The following TMEM161B variants were observed in gnomAD, a reference collection of about 807,000 sequenced individuals.
The protein encoded by TMEM161B is transmembrane protein 161B.
A neutral mutation model predicts 61.8 loss-of-function variants in TMEM161B; 34 were observed. That is an observed-to-expected ratio of 0.55 (90% CI 0.42 to 0.73). The LOEUF (loss-of-function observed/expected upper bound fraction) is 0.73. Among genes scored for constraint, TMEM161B ranks in the 30% least tolerant of loss-of-function variants. The pLI is 0.00. For synonymous variants in TMEM161B, 167 were observed against 192.8 expected, an observed-to-expected ratio of 0.87 and a Z score of 1.11; for missense variants, 456 against 558.5, an observed-to-expected ratio of 0.82 and a Z score of 1.85.
chr5:88,195,801 A>G lies in TMEM161B; in HGVS notation c.*410T>C. ...CTTTCCCTCCCCTAAAGCATGGCTCAGTTTGAAGATTGTTCTATAGGCAGC... is the reference window on the plus strand; with the variant it reads ...CTTTCCCTCCCCTAAAGCATGGCTCGGTTTGAAGATTGTTCTATAGGCAGC... On this transcript the variant is annotated 3_prime_UTR_variant, in exon 12 of 12. Coordinates refer to ENST00000296595, the MANE Select transcript of TMEM161B (RefSeq NM_153354.5). 1.0e-6 allele frequency: 1 copy of G among 990,472 alleles called. No individual in the cohort carries two copies. The highest frequency in any genetic ancestry group is 1.2e-6 in the Non-Finnish European group (1 of 833,278). 61.4% of individuals were successfully genotyped at this position (990,472 alleles called of 1,614,324 possible). A position where few individuals can be genotyped will look rare whatever the true frequency, so the allele number is the denominator to read the frequency against.
At chr5:88,229,404 T>G (rs1750598872) in intron 2 of TMEM161B, among the ~76,000 whole-genome samples, 1 of 152,042 alleles carries the variant, frequency 6.6e-6, no homozygotes, top group Admixed American at 6.6e-5. Flanking sequence ...ATCTGACTAC[T>G]GCAAAATTCT....
At chr5:88,264,062 C>T (rs1310996745) in intron 1 of TMEM161B, among the ~76,000 whole-genome samples, 1 of 152,040 alleles carries the variant, frequency 6.6e-6, no homozygotes, top group Non-Finnish European at 1.5e-5. Context: ...GTATCTCCAT[C>T]AAAGTCTCTT....
chr5:88,238,075 C>T lies in TMEM161B; in HGVS notation c.107+2738G>A, dbSNP rs149352234. Among the ~76,000 whole-genome samples, 1,076 of 152,152 alleles carry T rather than the reference C, an allele frequency of 7.1e-3. 13 individuals carry two copies. Among genetic ancestry groups the T allele is most frequent in the African/African-American group, 0.024 (1,009 of 41,526 alleles). ...AAAGTTTTTATTTGCATAAAAACTA[C>T]GCACATTCTCCTTTATATATTAAAT... On this transcript the variant is annotated intron_variant, in intron 2 of 11. Coordinates refer to ENST00000296595, the MANE Select transcript of TMEM161B (RefSeq NM_153354.5).
At chr5:88,207,246 T>C (rs551255047) in intron 5 of TMEM161B, 66 bp from the exon 6 acceptor site, 780 of 1,414,548 alleles carry the variant, frequency 5.5e-4, no homozygotes, top group Non-Finnish European at 6.0e-4. Flanking sequence ...ATGATCTTTA[T>C]AGGACTTGAT....
rs200483079 is a variant in TMEM161B at position 88,225,877 on chromosome 5, C to G, written c.192-11G>C. On this transcript the variant is annotated splice_polypyrimidine_tract_variant and intron_variant, in intron 3 of 11. Coordinates refer to ENST00000296595, the MANE Select transcript of TMEM161B (RefSeq NM_153354.5). Reference sequence around the variant, plus strand: ...TGACCATTATATTTCCTATAAAAATCAGACAAGTGACACAAAAAACAAGTT... The same window carrying G: ...TGACCATTATATTTCCTATAAAAATGAGACAAGTGACACAAAAAACAAGTT... 1 of 1,566,618 alleles carries G rather than the reference C, an allele frequency of 6.4e-7. No homozygotes were observed. The highest frequency in any genetic ancestry group is 8.7e-7 in the Non-Finnish European group (1 of 1,146,630).
At chr5:88,261,425 A>C in intron 1 of TMEM161B, among the ~76,000 whole-genome samples, 1 of 152,052 alleles carries the variant, frequency 6.6e-6, no homozygotes, top group South Asian at 2.1e-4. Flanking sequence ...AAAGAAAAGA[A>C]AGAAATGTTC....
chr5:88,194,222 C>T (rs550573243), downstream of TMEM161B, among the ~76,000 whole-genome samples: 10 of 152,184 alleles, frequency 6.6e-5, no homozygotes, highest in East Asian at 1.9e-4. Context: ...GTTCAGCTCC[C>T]GCTTATAAAA....
chr5:88,185,890 A>T (rs1426620123), downstream of TMEM161B, among the ~76,000 whole-genome samples: 1 of 152,238 alleles, frequency 6.6e-6, no homozygotes, highest in Non-Finnish European at 1.5e-5. Flanking sequence ...ATTGCTTTAC[A>T]AGTTAGCAAC....
chr5:88,187,236 A>G (rs1223761631), downstream of TMEM161B, among the ~76,000 whole-genome samples: 1 of 152,220 alleles, frequency 6.6e-6, no homozygotes. Flanking sequence ...TTATGGCAGA[A>G]TCACAACATC....
intron 1 of TMEM161B, among the ~76,000 whole-genome samples, chr5:88,241,326 C>G (rs1209419866): frequency 6.6e-6 from 1 of 151,762 alleles, no homozygotes; most frequent in African/African-American, 2.4e-5. Flanking sequence ...GACAAATCCC[C>G]TGTGTAGACA....
intron 2 of TMEM161B, 106 bp from the exon 3 acceptor site, chr5:88,228,634 G>T (rs1750464385): frequency 2.5e-6 from 2 of 787,210 alleles, no homozygotes; most frequent in African/African-American, 1.8e-5. Context: ...ACACTGTCGA[G>T]AAATATCAGG....
chr5:88,186,339 A>C (rs1267004147), downstream of TMEM161B, among the ~76,000 whole-genome samples: 3 of 152,224 alleles, frequency 2.0e-5, no homozygotes, highest in East Asian at 5.8e-4. Context: ...ATAAAAAGCC[A>C]ATGATCAAAG....
rs1297630813 is a variant in TMEM161B at position 88,225,854 on chromosome 5, A to C, written c.204T>G (p.Gly68=). 1.7e-5 allele frequency: 27 copies of C among 1,604,892 alleles called. No homozygotes were observed. The highest frequency in any genetic ancestry group is 1.8e-5 in the Non-Finnish European group (21 of 1,174,768). Residue 68 remains glycine, a synonymous_variant, in exon 4 of 12, where the codon GGT becomes GGG. Transcript: ENST00000296595. ...GKTKKDRKYN[G]HIESKPLTIP... ...TGGTTAATGGCTTACTTTCAATGTG[A>C]CCATTATATTTCCTATAAAAATCAG...
rs116164766 is a variant in TMEM161B at position 88,195,980 on chromosome 5, G to C, written c.*231C>G. On this transcript the variant is annotated 3_prime_UTR_variant, in exon 12 of 12. Coordinates refer to ENST00000296595, the MANE Select transcript of TMEM161B (RefSeq NM_153354.5). ...GCCCTCTCATACCAGTAAATACAAA[G>C]AGTTAAAATTCCAATGCCACAGTGT... The C allele has an allele frequency of 0.04, 51,024 of 1,280,126 alleles. 1,165 individuals carry two copies. Among genetic ancestry groups the C allele is most frequent in the Middle Eastern group, 0.07 (232 of 3,320 alleles). 79.3% of individuals were successfully genotyped at this position (1,280,126 alleles called of 1,614,324 possible). A position where few individuals can be genotyped will look rare whatever the true frequency, so the allele number is the denominator to read the frequency against.
chr5:88,244,925 G>A (rs747904793), intron 1 of TMEM161B, among the ~76,000 whole-genome samples: 12 of 151,624 alleles, frequency 7.9e-5, no homozygotes, highest in Non-Finnish European at 1.3e-4. Context: ...GATTGCATTC[G>A]TGACCTGGCT....
intron 1 of TMEM161B, among the ~76,000 whole-genome samples, chr5:88,257,868 TTC>T (rs1247411662): frequency 6.6e-6 from 1 of 152,068 alleles, no homozygotes; most frequent in African/African-American, 2.4e-5. Flanking sequence ...TTGTGGGAAT[TTC>T]TCTTAAGAAA....
At position 88,262,947 on chromosome 5, in the gene TMEM161B, A is replaced by G. The variant is rs1755867250; in HGVS notation, c.3+5774T>C. On this transcript the variant is annotated intron_variant, in intron 1 of 11. Transcript: ENST00000296595. ...TTAATGCAACACAAAAATAAAATCT[A>G]TTACATGAAATTTCATATAATCGAT... Among the ~76,000 whole-genome samples, 4 of 152,194 alleles carry G rather than the reference A, an allele frequency of 2.6e-5. No homozygotes were observed. In the South Asian group the frequency reaches 8.3e-4, roughly 31 times the overall value.
Position 88,225,859 on chromosome 5 carries a change from T to C in TMEM161B, c.199A>G (p.Asn67Asp). The C allele has an allele frequency of 6.3e-7, 1 of 1,597,538 alleles. No individual in the cohort carries two copies. Among genetic ancestry groups the C allele is most frequent in the Non-Finnish European group, 8.5e-7 (1 of 1,170,586 alleles). Residue 67 changes from asparagine (N) to aspartate (D), a missense_variant, in exon 4 of 12, where the codon AAT (asparagine) becomes GAT (aspartate). Asn to Asp is a conservative substitution (Grantham distance 23). Transcript: ENST00000296595. ...AATGGCTTACTTTCAATGTGACCAT[T>C]ATATTTCCTATAAAAATCAGACAAG... ...KGKTKKDRKYNGHIESKPLTI... is the reference protein window; with the variant it reads ...KGKTKKDRKYDGHIESKPLTI...
At position 88,240,748 on chromosome 5, in the gene TMEM161B, A is replaced by G. The variant is rs1752594073; in HGVS notation, c.107+65T>C. The G allele has an allele frequency of 3.3e-6, 4 of 1,221,470 alleles. No homozygotes were observed. The South Asian group carries it at 4.9e-5, about 15-fold the overall frequency. 75.7% of individuals were successfully genotyped at this position (1,221,470 alleles called of 1,614,324 possible). A position where few individuals can be genotyped will look rare whatever the true frequency, so the allele number is the denominator to read the frequency against. ...AAAGTTTTAGAAACAGTAACTAGGA[A>G]TTTAATCAGTTTGGTAAACTAGAGA... On this transcript the variant is annotated intron_variant, in intron 2 of 11. Coordinates refer to ENST00000296595, the MANE Select transcript of TMEM161B (RefSeq NM_153354.5).
Sources: allele counts gnomAD v4.1 joint callset (sites outside exome capture counted in the v4.1 genomes callset), GRCh38; gene constraint gnomAD v4.1.1; transcripts MANE v1.5; gene names NCBI Gene and HGNC (gene_info 2026-07-23, HGNC 2026-07-21).